The following RPTOR variants were observed in gnomAD, a reference collection of about 807,000 sequenced individuals.
The protein encoded by RPTOR is regulatory associated protein of MTOR complex 1.
Under a neutral mutation model 169.9 loss-of-function variants are expected in RPTOR, and 21 were observed. The observed-to-expected ratio is 0.12, with a 90% CI of 0.09 to 0.18. RPTOR has a LOEUF of 0.18. Among genes scored for constraint, RPTOR ranks in the 10% least tolerant of loss-of-function variants. The pLI is 1.00. For synonymous variants in RPTOR, 732 were observed against 753.2 expected (o/e 0.97, Z 0.46); for missense variants, 1,133 against 1,855.9 (o/e 0.61, Z 7.16).
At chr17:80,765,883 C>T (rs540147055) in intron 6 of RPTOR, among the ~76,000 whole-genome samples, 1 of 152,294 alleles carries the variant, frequency 6.6e-6, no homozygotes, top group East Asian at 1.9e-4. Context: ...AGACTGGAGA[C>T]GTCTTCCCTT....
chr17:80,795,041 A>G (rs1371186640), intron 7 of RPTOR, among the ~76,000 whole-genome samples: 11 of 152,230 alleles, frequency 7.2e-5, no homozygotes, highest in Admixed American at 2.6e-4. Context: ...CTATTTGACA[A>G]CTGAAGTAAA....
chr17:80,768,728 T>G (rs536816905), intron 6 of RPTOR, among the ~76,000 whole-genome samples: 8 of 152,260 alleles, frequency 5.3e-5, no homozygotes, highest in Non-Finnish European at 8.8e-5. Context: ...CATCACACGG[T>G]GACATATTAA....
At chr17:80,885,798 C>A (rs904562746) in intron 17 of RPTOR, among the ~76,000 whole-genome samples, 14 of 152,206 alleles carry the variant, frequency 9.2e-5, no homozygotes, top group South Asian at 2.1e-4. Flanking sequence ...ACCTCAGTCT[C>A]CCAAAGTGCT....
chr17:80,762,706 A>G (rs745762814), intron 6 of RPTOR, among the ~76,000 whole-genome samples: 1 of 152,242 alleles, frequency 6.6e-6, no homozygotes, highest in Non-Finnish European at 1.5e-5. Flanking sequence ...AAGCAACATT[A>G]TGGATAGAGC....
intron 2 of RPTOR, among the ~76,000 whole-genome samples, chr17:80,627,086 C>T (rs2065401560): frequency 6.6e-6 from 1 of 152,154 alleles, no homozygotes; most frequent in African/African-American, 2.4e-5. Context: ...GCATAATGCC[C>T]CCAAAGTTCA....
At chr17:80,626,379 G>A (rs190144811) in intron 2 of RPTOR, among the ~76,000 whole-genome samples, 1 of 150,298 alleles carries the variant, frequency 6.7e-6, no homozygotes, top group East Asian at 1.9e-4. Flanking sequence ...CTTTATATTT[G>A]TTCTGTCTGG....
intron 5 of RPTOR, among the ~76,000 whole-genome samples, 191 bp from the exon 6 acceptor site, chr17:80,753,819 C>T (rs531562585): frequency 6.6e-6 from 1 of 151,994 alleles, no homozygotes; most frequent in Admixed American, 6.6e-5. Context: ...ATGAGACGGC[C>T]AGGTTTCCAG....
At chr17:80,826,286 G>A (rs887558718) in intron 9 of RPTOR, among the ~76,000 whole-genome samples, 15 of 152,222 alleles carry the variant, frequency 9.9e-5, no homozygotes, top group African/African-American at 1.7e-4. Flanking sequence ...CCTTGGGAGC[G>A]GAGGAAGCGC....
At chr17:80,804,232 A>C (rs1365259932) in intron 7 of RPTOR, 1 of 152,186 alleles carries the variant, frequency 6.6e-6, no homozygotes, top group Non-Finnish European at 1.5e-5. Flanking sequence ...CCGTTTGCAG[A>C]GGGGGTGGGG....
rs753958351 is a variant in RPTOR at position 80,961,406 on chromosome 17, G to A, written c.3618G>A (p.Thr1206=). 36 of 1,549,612 alleles carry A rather than the reference G, an allele frequency of 2.3e-5. 1 individual carries two copies. The African/African-American group carries it at 3.7e-4, about 16-fold the overall frequency. Residue 1206 remains threonine (T), a synonymous_variant, in exon 31 of 34, where the codon ACG becomes ACA. Coordinates refer to ENST00000306801, the MANE Select transcript of RPTOR (RefSeq NM_020761.3). ...CCCTCCCCTACAGCCGCGTCATGAC[G>A]TACCGGGAGCACACAGCCTGGGTGG... ...RMALSECRVM[T]YREHTAWVVK...
At chr17:80,743,839 C>CACTCT (rs1567887470) in intron 5 of RPTOR, among the ~76,000 whole-genome samples, 7 of 81,546 alleles carry the variant, frequency 8.6e-5, no homozygotes, top group Non-Finnish European at 1.6e-4. Context: ...ACTAGCACAG[C>CACTCT]CCTGGTTACT....
intron 20 of RPTOR, 108 bp from the exon 21 acceptor site, chr17:80,908,703 A>G (rs1288582579): frequency 3.9e-6 from 3 of 777,968 alleles, no homozygotes; most frequent in Non-Finnish European, 6.5e-6. Context: ...TCGGCTCTTT[A>G]AAGCAACACT....
intron 6 of RPTOR, among the ~76,000 whole-genome samples, chr17:80,781,798 G>A (rs2066944784): frequency 6.6e-6 from 1 of 152,242 alleles, no homozygotes; most frequent in Non-Finnish European, 1.5e-5. Flanking sequence ...CAAAGCCCCT[G>A]CACTGCGCTG....
intron 3 of RPTOR, among the ~76,000 whole-genome samples, chr17:80,668,204 G>A (rs1237660416): frequency 6.6e-6 from 1 of 152,178 alleles, no homozygotes; most frequent in Non-Finnish European, 1.5e-5. Flanking sequence ...TTATCCTAGT[G>A]AGTTCTTTTG....
At chr17:80,685,946 C>A (rs141603755) in intron 3 of RPTOR, among the ~76,000 whole-genome samples, 4 of 151,856 alleles carry the variant, frequency 2.6e-5, no homozygotes, top group Non-Finnish European at 5.9e-5. Flanking sequence ...GTGTTGGTGG[C>A]CTCTGCAGAG....
At chr17:80,920,339 C>T (rs1379336843) in intron 21 of RPTOR, among the ~76,000 whole-genome samples, 1 of 152,216 alleles carries the variant, frequency 6.6e-6, no homozygotes, top group African/African-American at 2.4e-5. Context: ...AGGCCAACCC[C>T]CTGTGGTCAC....
chr17:80,912,286 A>G (rs1307956720), intron 21 of RPTOR, among the ~76,000 whole-genome samples: 5 of 152,192 alleles, frequency 3.3e-5, no homozygotes, highest in African/African-American at 1.2e-4. Context: ...GGCTGTGGCC[A>G]TGGACCACCC....
chr17:80,890,531 G>A (rs1242006740), intron 17 of RPTOR, among the ~76,000 whole-genome samples: 1 of 148,050 alleles, frequency 6.8e-6, no homozygotes, highest in Non-Finnish European at 1.5e-5. Context: ...TTGGTGCCCA[G>A]CAGGGTGGGA....
chr17:80,638,446 G>C (rs369552567), intron 2 of RPTOR, among the ~76,000 whole-genome samples: 1 of 133,482 alleles, frequency 7.5e-6, no homozygotes, highest in African/African-American at 3.0e-5. Flanking sequence ...GAGTCACATA[G>C]GCTGGAGTGC....
Sources: allele counts gnomAD v4.1 joint callset (sites outside exome capture counted in the v4.1 genomes callset), GRCh38; gene constraint gnomAD v4.1.1; transcripts MANE v1.5; gene names NCBI Gene and HGNC (gene_info 2026-07-23, HGNC 2026-07-21).